GNPTAB: variants seen among roughly 807,000 people sequenced by gnomAD.
The protein encoded by GNPTAB is N-acetylglucosamine-1-phosphotransferase subunits alpha/beta.
A neutral mutation model predicts 136.6 loss-of-function variants in GNPTAB; 92 were observed. The observed-to-expected ratio is 0.67, with a 90% confidence interval of 0.57 to 0.80. The LOEUF is 0.80. Among genes scored for constraint, GNPTAB ranks in the 30% least tolerant of loss-of-function variants. GNPTAB has a pLI of 0.00. For missense variants in GNPTAB, 1,343 were observed against 1,501.8 expected (o/e 0.89, Z 1.75); for synonymous variants, 512 against 535.1 (o/e 0.96, Z 0.60).
intron 16 of GNPTAB, among the ~76,000 whole-genome samples, chr12:101,759,024 TGTCTATATGGTA>T (rs1423570812): frequency 6.6e-6 from 1 of 152,220 alleles, no homozygotes; most frequent in Non-Finnish European, 1.5e-5. Context: ...CAACTCATAC[TGTCTATATGGTA>T]GTACCCATTA....
At chr12:101,793,312 T>TA (rs1869095412) in intron 2 of GNPTAB, among the ~76,000 whole-genome samples, 1 of 152,198 alleles carries the variant, frequency 6.6e-6, no homozygotes, top group African/African-American at 2.4e-5. Flanking sequence ...AAATAAATTT[T>TA]AAAAAACTGC....
intron 1 of GNPTAB, among the ~76,000 whole-genome samples, chr12:101,804,052 T>C (rs1311734236): frequency 6.6e-6 from 1 of 151,672 alleles, no homozygotes; most frequent in Non-Finnish European, 1.5e-5. Context: ...GGCAATATAG[T>C]AAGACCTTGT....
chr12:101,779,378 G>A (rs1953305832), intron 7 of GNPTAB: 1 of 152,208 alleles, frequency 6.6e-6, no homozygotes, highest in African/African-American at 2.4e-5. Context: ...CAGGCATCTT[G>A]ACGTAAGGTC....
chr12:101,747,901 G>C (rs1378921677), intron 20 of GNPTAB, among the ~76,000 whole-genome samples: 6 of 151,968 alleles, frequency 3.9e-5, no homozygotes, highest in African/African-American at 1.5e-4. Flanking sequence ...GACTGGTATA[G>C]ATAGAGGAAA....
Position 101,830,587 on chromosome 12 carries a change from G to A in GNPTAB, c.89C>T (p.Thr30Ile). The stretch of plus-strand genomic sequence containing the variant: ...TCCGAACTGGAAGGCGGAGACGATG[G>A]TGACAACGACGCCCAAGAAGCACAC... Reference protein sequence around the residue: ...LYVCFLGVVVTIVSAFQFGEV... With the variant: ...LYVCFLGVVVIIVSAFQFGEV... Residue 30 changes from threonine to isoleucine, a missense_variant, in exon 1 of 21, where the codon ACC becomes ATC. Transcript: ENST00000299314. The A allele has an allele frequency of 6.2e-7, 1 of 1,612,562 alleles. No homozygotes were observed. The highest frequency in any genetic ancestry group is 1.1e-5 in the South Asian group (1 of 90,992).
chr12:101,760,885 T>G (rs1952982004), intron 15 of GNPTAB, among the ~76,000 whole-genome samples: 2 of 151,888 alleles, frequency 1.3e-5, no homozygotes. Context: ...GGTGAAGCGT[T>G]TCTCCTGTCT....
chr12:101,767,430 T>C (rs1953109715), intron 11 of GNPTAB, among the ~76,000 whole-genome samples: 1 of 152,244 alleles, frequency 6.6e-6, no homozygotes, highest in South Asian at 2.1e-4. Flanking sequence ...TGCTGAAAGC[T>C]ACCAGCAGTG....
At position 101,786,183 on chromosome 12, in the gene GNPTAB, T is replaced by A. The variant is rs776650428; in HGVS notation, c.400A>T (p.Ile134Phe). ...TCCAGGACAAGCATTGGCACCTTAATGCAGTGTGTTAGCAAACACTCTAAC... is the reference window on the plus strand; with the variant it reads ...TCCAGGACAAGCATTGGCACCTTAAAGCAGTGTGTTAGCAAACACTCTAAC... ...KQLECLLTHCIKVPMLVLDPA... is the reference protein window; with the variant it reads ...KQLECLLTHCFKVPMLVLDPA... The change falls in exon 5 of 21, where the codon ATT becomes TTT. Residue 134 changes from isoleucine (I) to phenylalanine (F), a missense_variant. Ile to Phe is a conservative substitution (Grantham distance 21). Coordinates refer to ENST00000299314, the MANE Select transcript of GNPTAB (RefSeq NM_024312.5). 75 of 1,613,812 alleles carry A rather than the reference T, an allele frequency of 4.6e-5. No homozygotes were observed.
intron 5 of GNPTAB, among the ~76,000 whole-genome samples, chr12:101,783,738 A>G (rs1434220942): frequency 6.6e-6 from 1 of 150,722 alleles, no homozygotes; most frequent in African/African-American, 2.4e-5. Context: ...TTTTTTTCAG[A>G]CAGGGTCTCA....
At chr12:101,815,283 C>G (rs1191192892) in intron 1 of GNPTAB, among the ~76,000 whole-genome samples, 4 of 152,142 alleles carry the variant, frequency 2.6e-5, no homozygotes. Flanking sequence ...AGGCTGGTCT[C>G]CCACCTTGGC....
In GNPTAB at chr12:101,761,122, A is replaced by G. The variant is rs759935; in HGVS notation, c.3135+5T>C. 0.55 allele frequency: 885,298 copies of G among 1,598,386 alleles called. 251,192 individuals carry two copies. Among genetic ancestry groups the G allele is most frequent in the East Asian group, 0.89 (39,781 of 44,802 alleles). The stretch of plus-strand genomic sequence containing the variant: ...CAAAAAGTTTAGAATAAGACAATAC[A>G]ACACCTGCAAACTTAACGGCAGTTC... On this transcript the variant is annotated splice_donor_5th_base_variant and intron_variant, in intron 15 of 20. Coordinates refer to ENST00000299314, the MANE Select transcript of GNPTAB (RefSeq NM_024312.5).
In GNPTAB at chr12:101,753,444, G is replaced by A; in HGVS notation, c.3530C>T (p.Pro1177Leu). The A allele has an allele frequency of 6.2e-7, 1 of 1,613,730 alleles. No homozygotes were observed. The highest frequency in any genetic ancestry group is 8.5e-7 in the Non-Finnish European group (1 of 1,179,660). ...VLRDFYESMF[P>L]IPSQFELPRE... Reference sequence around the variant, plus strand: ...TGGCAGTTCAAATTGGGAAGGTATGGGGAACATGGATTCATAGAAGTCCCT... The same window carrying A: ...TGGCAGTTCAAATTGGGAAGGTATGAGGAACATGGATTCATAGAAGTCCCT... Residue 1177 changes from proline (P) to leucine (L), a missense_variant, in exon 19 of 21, where the codon CCC (proline) becomes CTC (leucine). Pro to Leu is a moderately conservative substitution (Grantham distance 98, BLOSUM62 -3). Transcript: ENST00000299314.
In GNPTAB at chr12:101,764,972, A is replaced by G. The variant is rs768210042; in HGVS notation, c.1945T>C (p.Tyr649His). 4 of 1,614,042 alleles carry G rather than the reference A, an allele frequency of 2.5e-6. No individual in the cohort carries two copies. Among genetic ancestry groups the G allele is most frequent in the Admixed American group, 3.3e-5 (2 of 60,016 alleles). Reference sequence around the variant, plus strand: ...GTTATGGGACTAACTAAATTTTCGTAACCCTTCTGGGCTGTAGAATTCAGT... The same window carrying G: ...GTTATGGGACTAACTAAATTTTCGTGACCCTTCTGGGCTGTAGAATTCAGT... The part of the protein sequence containing the change: ...PKLNSTAQKG[Y>H]ENLVSPITLL... Residue 649 changes from tyrosine (Y) to histidine (H), a missense_variant, in exon 13 of 21, where the codon TAC (tyrosine) becomes CAC (histidine). Transcript: ENST00000299314.
intron 2 of GNPTAB, chr12:101,796,361 G>C (rs968660185): frequency 1.4e-6 from 1 of 690,156 alleles, no homozygotes; most frequent in African/African-American, 1.8e-5. Context: ...CACAAAATGT[G>C]GTGAACACAC....
chr12:101,758,719 T>TG (rs768823663), intron 16 of GNPTAB, among the ~76,000 whole-genome samples: 2 of 152,378 alleles, frequency 1.3e-5, no homozygotes, highest in East Asian at 1.9e-4. Context: ...ATGGCTGCTA[T>TG]GCTGACCTCT....
rs374610874 is a variant in GNPTAB, at chr12:101,820,830, G to C, written c.117+9729C>G. ...CCCAGCACTTTGGGAGGCCGAGGTG[G>C]GTGGATCACCTGAGGTCAGGAGTTC... is the stretch of plus-strand genomic sequence containing the variant. On this transcript the variant is annotated intron_variant, in intron 1 of 20. Transcript: ENST00000299314. 1.2e-4 allele frequency among the ~76,000 whole-genome samples: 19 copies of C among 152,194 alleles called. No homozygotes were observed. In the East Asian group the frequency reaches 3.5e-3, roughly 28 times the overall value.
chr12:101,811,282 T>C (rs923040418), intron 1 of GNPTAB, among the ~76,000 whole-genome samples: 2 of 152,216 alleles, frequency 1.3e-5, no homozygotes, highest in African/African-American at 4.8e-5. Context: ...GCCACTGTAA[T>C]GTGAAAATAG....
At chr12:101,829,206 C>G (rs1422089128) in intron 1 of GNPTAB, among the ~76,000 whole-genome samples, 4 of 152,168 alleles carry the variant, frequency 2.6e-5, no homozygotes, top group African/African-American at 9.7e-5. Context: ...AAATTCGGGC[C>G]AGGTGCGGTG....
intron 1 of GNPTAB, among the ~76,000 whole-genome samples, chr12:101,821,242 C>A (rs183756597): frequency 6.6e-6 from 1 of 152,138 alleles, no homozygotes; most frequent in Non-Finnish European, 1.5e-5. Context: ...TCAGCAGGAG[C>A]CAAGTCTGCT....
Sources: allele counts gnomAD v4.1 joint callset (sites outside exome capture counted in the v4.1 genomes callset), GRCh38; gene constraint gnomAD v4.1.1; transcripts MANE v1.5; gene names NCBI Gene and HGNC (gene_info 2026-07-23, HGNC 2026-07-21).